Variants in RD3 observed in about 807,000 individuals in gnomAD.
RD3 encodes the protein RD3 regulator of GUCY2D.
RD3 carries 11 observed loss-of-function variants against 16.9 expected under a neutral mutation model. The observed-to-expected ratio is 0.65, with a 90% CI of 0.41 to 1.08. The LOEUF is 1.08. Ranked by LOEUF, RD3 falls within the 50% of genes least tolerant of loss-of-function variation. RD3 has a pLI of 0.00. For missense variants in RD3, 274 were observed against 267.4 expected (o/e 1.02, Z -0.17); for synonymous variants, 116 against 114.8 (o/e 1.01, Z -0.07).
rs778556974 is a variant in RD3, at chr1:211,478,804, C to T, written c.*232G>A. 17 of 553,430 alleles carry T rather than the reference C, an allele frequency of 3.1e-5. No homozygotes were observed. The highest frequency in any genetic ancestry group is 4.8e-5 in the Non-Finnish European group (15 of 313,454). The allele number at this position is 553,430 out of a possible 1,614,324, so 34.3% of individuals were successfully genotyped here. On this transcript the variant is annotated 3_prime_UTR_variant, in exon 3 of 3. Transcript: ENST00000680073. Reference sequence around the variant, plus strand: ...GGAAGGGGCTGCTCCTGCAGACTAGCGCAGGAGAGGGAGAGGGCGGTGCCG... The same window carrying T: ...GGAAGGGGCTGCTCCTGCAGACTAGTGCAGGAGAGGGAGAGGGCGGTGCCG...
At position 211,478,101 on chromosome 1, in the gene RD3, G is replaced by A. The variant is rs763805037; in HGVS notation, c.*935C>T. Reference sequence around the variant, plus strand: ...GCAGGTGTGACCAGCTGCAGAAAGCGGAACCCTGGAATTGAGAAACCTGGG... The same window carrying A: ...GCAGGTGTGACCAGCTGCAGAAAGCAGAACCCTGGAATTGAGAAACCTGGG... On this transcript the variant is annotated 3_prime_UTR_variant, in exon 3 of 3. Coordinates refer to ENST00000680073, the MANE Select transcript of RD3 (RefSeq NM_001164688.2). 5.0e-5 allele frequency: 20 copies of A among 398,570 alleles called. No homozygotes were observed. Among genetic ancestry groups the A allele is most frequent in the Non-Finnish European group, 4.9e-5 (11 of 226,128 alleles). The allele number at this position is 398,570 out of a possible 1,614,324, so 24.7% of individuals were successfully genotyped here.
At chr1:211,488,611 T>C (rs1384442611) in intron 1 of RD3, among the ~76,000 whole-genome samples, 1 of 151,424 alleles carries the variant, frequency 6.6e-6, no homozygotes. Flanking sequence ...AATGCAATGA[T>C]GACACAAAAC....
rs1278032368 is a variant in RD3 at position 211,489,617 on chromosome 1, C to T, written c.-12+2151G>A. 2.7e-5 allele frequency among the ~76,000 whole-genome samples: 4 copies of T among 148,446 alleles called. No individual in the cohort carries two copies. In the East Asian group the frequency reaches 7.8e-4, roughly 29 times the overall value. ...GCTGCATTTCAATAGAGCTTGTTTC[C>T]TTTGTACCCCAGTGAATTTACTTTT... is the stretch of plus-strand genomic sequence containing the variant. On this transcript the variant is annotated intron_variant, in intron 1 of 2. Coordinates refer to ENST00000680073, the MANE Select transcript of RD3 (RefSeq NM_001164688.2).
intron 1 of RD3, 30 bp from the exon 2 acceptor site, chr1:211,481,456 C>T (rs1472375012): frequency 6.2e-7 from 1 of 1,604,130 alleles, no homozygotes; most frequent in Admixed American, 1.7e-5. Flanking sequence ...GTGCATCTTT[C>T]CTGGGCCCCT....
chr1:211,490,607 T>G (rs1319357641), intron 1 of RD3, among the ~76,000 whole-genome samples: 1 of 152,230 alleles, frequency 6.6e-6, no homozygotes, highest in Non-Finnish European at 1.5e-5. Flanking sequence ...CTAATCTGCC[T>G]CCCAGCTCTG....
At chr1:211,488,079 T>C (rs1393194062) in intron 1 of RD3, among the ~76,000 whole-genome samples, 2 of 152,224 alleles carry the variant, frequency 1.3e-5, no homozygotes, top group Admixed American at 6.5e-5. Context: ...CCTTGGTTTC[T>C]GCATTTATAA....
At chr1:211,491,247 G>A (rs1705483786) in intron 1 of RD3, among the ~76,000 whole-genome samples, 1 of 152,208 alleles carries the variant, frequency 6.6e-6, no homozygotes, top group African/African-American at 2.4e-5. Flanking sequence ...CTCCATGTTC[G>A]AGGGGACTGA....
intron 1 of RD3, among the ~76,000 whole-genome samples, chr1:211,487,073 T>C (rs115282193): frequency 1.3e-5 from 2 of 152,178 alleles, no homozygotes; most frequent in Non-Finnish European, 2.9e-5. Context: ...CCTCGTGGTC[T>C]CTCTGGCCCT....
intron 2 of RD3, 42 bp downstream of exon 2, chr1:211,481,078 T>C: frequency 6.2e-7 from 1 of 1,606,560 alleles, no homozygotes; most frequent in Non-Finnish European, 8.5e-7. Flanking sequence ...CCACCTTTCC[T>C]GGAGCCTGCA....
At chr1:211,485,610 G>C (rs935927520) in intron 1 of RD3, among the ~76,000 whole-genome samples, 2 of 152,160 alleles carry the variant, frequency 1.3e-5, no homozygotes, top group Admixed American at 6.5e-5. Context: ...GGGGAGGTCT[G>C]TTAAACAACA....
intron 2 of RD3, among the ~76,000 whole-genome samples, chr1:211,479,670 C>CGTG (rs948872054): frequency 6.6e-6 from 1 of 152,194 alleles, no homozygotes; most frequent in Admixed American, 6.5e-5. Context: ...AGCCCTTTGC[C>CGTG]GTGGCAGCCT....
intron 2 of RD3, among the ~76,000 whole-genome samples, chr1:211,480,666 A>G (rs1004473417): frequency 9.9e-5 from 15 of 152,092 alleles, no homozygotes; most frequent in Admixed American, 9.8e-4. Context: ...ACACACACAC[A>G]CACACACACA....
chr1:211,484,137 A>G (rs188186423), intron 1 of RD3, among the ~76,000 whole-genome samples: 1 of 152,302 alleles, frequency 6.6e-6, no homozygotes, highest in Non-Finnish European at 1.5e-5. Flanking sequence ...TTCAGAGCTC[A>G]GGAGCACTTT....
At chr1:211,489,646 C>T (rs1258300374) in intron 1 of RD3, among the ~76,000 whole-genome samples, 7 of 149,452 alleles carry the variant, frequency 4.7e-5, no homozygotes, top group African/African-American at 1.7e-4. Flanking sequence ...TACTTTTATG[C>T]ATTTAGAAGC....
chr1:211,486,302 C>T (rs888428623), intron 1 of RD3, among the ~76,000 whole-genome samples: 11 of 151,902 alleles, frequency 7.2e-5, no homozygotes, highest in Non-Finnish European at 1.0e-4. Context: ...GTCACGAGTT[C>T]GAGACCAGCC....
chr1:211,488,076 T>C (rs1291443885), intron 1 of RD3, among the ~76,000 whole-genome samples: 1 of 152,198 alleles, frequency 6.6e-6, no homozygotes, highest in Non-Finnish European at 1.5e-5. Flanking sequence ...AGGCCTTGGT[T>C]TCTGCATTTA....
At position 211,481,315 on chromosome 1, in the gene RD3, G is replaced by C. The variant is rs148242709; in HGVS notation, c.101C>G (p.Thr34Arg). Residue 34 changes from threonine (T) to arginine (R), a missense_variant, in exon 2 of 3, where the codon ACG becomes AGG. Coordinates refer to ENST00000680073, the MANE Select transcript of RD3 (RefSeq NM_001164688.2). ...MVLETLMMELTGQMREAERQQ... is the reference protein window; with the variant it reads ...MVLETLMMELRGQMREAERQQ... ...CCTCTCAGCCTCTCGCATCTGCCCC[G>C]TCAGCTCCATCATAAGCGTCTCCAG... The C allele has an allele frequency of 2.5e-6, 4 of 1,614,188 alleles. No homozygotes were observed. The highest frequency in any genetic ancestry group is 3.3e-5 in the Admixed American group (2 of 60,030).
chr1:211,478,756 A>G lies in RD3; in HGVS notation c.*280T>C. 2.1e-6 allele frequency: 1 copy of G among 477,556 alleles called. No homozygotes were observed. The highest frequency in any genetic ancestry group is 3.3e-5 in the East Asian group (1 of 30,276). The allele number at this position is 477,556 out of a possible 1,614,324, so 29.6% of individuals were successfully genotyped here. On this transcript the variant is annotated 3_prime_UTR_variant, in exon 3 of 3. Coordinates refer to ENST00000680073, the MANE Select transcript of RD3 (RefSeq NM_001164688.2). ...AGGATGGGGCAATGGTCTGTCTTCCAAAACCTTGAATCTGCCAGTTAGGGA... is the reference window on the plus strand; with the variant it reads ...AGGATGGGGCAATGGTCTGTCTTCCGAAACCTTGAATCTGCCAGTTAGGGA...
rs1705188205 is a variant in RD3, at chr1:211,478,467, A to G, written c.*569T>C. On this transcript the variant is annotated 3_prime_UTR_variant, in exon 3 of 3. Coordinates refer to ENST00000680073, the MANE Select transcript of RD3 (RefSeq NM_001164688.2). ...AAGAAGTGTCCCTCTCTGAGCCTCA[A>G]GTTCCACATTTACTAGCTGAAGAGA... 1 of 318,354 alleles carries G rather than the reference A, an allele frequency of 3.1e-6. No individual in the cohort carries two copies. The highest frequency in any genetic ancestry group is 5.7e-6 in the Non-Finnish European group (1 of 176,358). The allele number at this position is 318,354 out of a possible 1,614,324, so 19.7% of individuals were successfully genotyped here. A position where few individuals can be genotyped will look rare whatever the true frequency, so the allele number is the denominator to read the frequency against.
Sources: allele counts gnomAD v4.1 joint callset (sites outside exome capture counted in the v4.1 genomes callset), GRCh38; gene constraint gnomAD v4.1.1; transcripts MANE v1.5; gene names NCBI Gene and HGNC (gene_info 2026-07-23, HGNC 2026-07-21).